The following AGBL1 variants were observed in gnomAD, a reference collection of about 807,000 sequenced individuals.
The protein encoded by AGBL1 is cytosolic carboxypeptidase 4.
A neutral mutation model predicts 118.9 loss-of-function variants in AGBL1; 130 were observed. The ratio of observed to expected loss-of-function variants is 1.09; its 90% confidence interval spans 0.95 to 1.26. The LOEUF is 1.26. AGBL1 is among the 50% of genes most tolerant of loss of function. The probability of loss-of-function intolerance (pLI) is 0.00; values close to 1 mark genes in which losing one functional copy is unlikely to be tolerated. For missense variants in AGBL1, 1,584 were observed against 1,298.1 expected (o/e 1.22, Z -3.38); for synonymous variants, 555 against 478.9 (o/e 1.16, Z -2.08).
intron 6 of AGBL1, among the ~76,000 whole-genome samples, chr15:86,245,970 C>T (rs532533884): frequency 1.3e-5 from 2 of 152,272 alleles, no homozygotes; most frequent in Middle Eastern, 3.4e-3. Flanking sequence ...ACTGCAGCCT[C>T]GAACTCCTGG....
intron 22 of AGBL1, among the ~76,000 whole-genome samples, chr15:86,826,787 C>A (rs1469903246): frequency 2.6e-5 from 4 of 151,966 alleles, no homozygotes; most frequent in African/African-American, 7.3e-5. Flanking sequence ...TAGATATGAC[C>A]ATTGGAATTC....
chr15:86,831,168 C>G (rs567016897), intron 22 of AGBL1, among the ~76,000 whole-genome samples: 11 of 152,126 alleles, frequency 7.2e-5, no homozygotes, highest in Non-Finnish European at 1.5e-4. Context: ...ATTACCTCCC[C>G]CTGGGTTCCT....
intron 17 of AGBL1, 121 bp from the exon 18 acceptor site, chr15:86,397,245 A>G: frequency 1.4e-6 from 1 of 722,842 alleles, no homozygotes; most frequent in African/African-American, 1.8e-5. Flanking sequence ...CAAAACCTAC[A>G]ATGGAAAATG....
chr15:86,701,914 C>A (rs937043194), intron 22 of AGBL1, among the ~76,000 whole-genome samples: 29 of 149,422 alleles, frequency 1.9e-4, no homozygotes, highest in Non-Finnish European at 3.4e-4. Flanking sequence ...TTCCTCCCAT[C>A]CACTACCCTT....
At chr15:86,273,716 TAG>T (rs1331153510) in intron 15 of AGBL1, among the ~76,000 whole-genome samples, 8 of 152,216 alleles carry the variant, frequency 5.3e-5, no homozygotes, top group Non-Finnish European at 8.8e-5. Context: ...AATATATCTT[TAG>T]ATACTCTGCT....
chr15:86,263,127 G>A (rs2079019273), intron 10 of AGBL1, among the ~76,000 whole-genome samples: 1 of 152,206 alleles, frequency 6.6e-6, no homozygotes, highest in South Asian at 2.1e-4. Flanking sequence ...CTTACACTTA[G>A]GATGGATACA....
At chr15:86,624,038 T>C (rs1027012266) in intron 21 of AGBL1, among the ~76,000 whole-genome samples, 4 of 151,884 alleles carry the variant, frequency 2.6e-5, no homozygotes, top group African/African-American at 9.7e-5. Flanking sequence ...AGAATAGAGA[T>C]TGAGAGGAAT....
chr15:86,466,230 T>G (rs575337000), intron 18 of AGBL1, among the ~76,000 whole-genome samples: 1 of 152,242 alleles, frequency 6.6e-6, no homozygotes, highest in African/African-American at 2.4e-5. Flanking sequence ...TCATGCTTTA[T>G]TTCATTAAGT....
At chr15:86,097,535 CTTTT>C (rs529913129) in intron 1 of AGBL1, among the ~76,000 whole-genome samples, 2 of 139,222 alleles carry the variant, frequency 1.4e-5, no homozygotes, top group Admixed American at 7.2e-5. Context: ...ATGAGATCCA[CTTTT>C]TTTTTTTTTT....
chr15:86,922,011 T>A (rs2080486194), intron 23 of AGBL1, among the ~76,000 whole-genome samples: 1 of 152,202 alleles, frequency 6.6e-6, no homozygotes, highest in Non-Finnish European at 1.5e-5. Flanking sequence ...AACCAATGGT[T>A]ACTCTGTATG....
intron 21 of AGBL1, among the ~76,000 whole-genome samples, chr15:86,602,720 C>T (rs542100372): frequency 4.6e-5 from 7 of 152,186 alleles, no homozygotes; most frequent in Non-Finnish European, 1.0e-4. Context: ...ATTTAAAGAT[C>T]AGGACTTAAC....
chr15:86,102,421 T>C (rs1485186947), intron 1 of AGBL1, among the ~76,000 whole-genome samples: 1 of 152,210 alleles, frequency 6.6e-6, no homozygotes, highest in African/African-American at 2.4e-5. Flanking sequence ...TAGATACTGT[T>C]CTTTCATTTC....
intron 22 of AGBL1, among the ~76,000 whole-genome samples, chr15:86,814,329 C>T (rs1386883758): frequency 6.6e-6 from 1 of 152,208 alleles, no homozygotes; most frequent in African/African-American, 2.4e-5. Context: ...ATTCCCTCCA[C>T]TCTACCATCT....
intron 22 of AGBL1, among the ~76,000 whole-genome samples, chr15:86,825,715 G>A (rs893338089): frequency 1.3e-5 from 2 of 148,616 alleles, no homozygotes; most frequent in Admixed American, 6.7e-5. Flanking sequence ...GAGAAAGCGA[G>A]AGAGGGAGGG....
At chr15:86,720,585 C>A (rs2086702968) in intron 22 of AGBL1, among the ~76,000 whole-genome samples, 1 of 152,102 alleles carries the variant, frequency 6.6e-6, no homozygotes, top group Non-Finnish European at 1.5e-5. Flanking sequence ...TTTCATTGCT[C>A]TGGTCAGGAC....
chr15:86,639,122 A>G (rs1172699390), intron 21 of AGBL1, among the ~76,000 whole-genome samples: 1 of 152,170 alleles, frequency 6.6e-6, no homozygotes, highest in Non-Finnish European at 1.5e-5. Flanking sequence ...CTACTTAACC[A>G]TAGAATTGAC....
At chr15:86,700,933 G>C (rs1361457163) in intron 22 of AGBL1, among the ~76,000 whole-genome samples, 1 of 152,066 alleles carries the variant, frequency 6.6e-6, no homozygotes, top group African/African-American at 2.4e-5. Context: ...GAGTCAGCCG[G>C]ATCAGGAACC....
intron 7 of AGBL1, among the ~76,000 whole-genome samples, chr15:86,253,889 C>A (rs562763417): frequency 6.6e-6 from 1 of 152,206 alleles, no homozygotes; most frequent in South Asian, 2.1e-4. Flanking sequence ...ACTCTATACC[C>A]ATTAAACTGA....
At chr15:86,968,274 A>C (rs550519263) in intron 23 of AGBL1, among the ~76,000 whole-genome samples, 1 of 151,762 alleles carries the variant, frequency 6.6e-6, no homozygotes, top group Non-Finnish European at 1.5e-5. Context: ...ATAGTCTCTG[A>C]GTTTCATATT....
Sources: gnomAD v4.1 joint callset for allele counts (sites outside exome capture counted in the v4.1 genomes callset) on GRCh38, gnomAD v4.1.1 for gene constraint, MANE v1.5 for transcripts, NCBI Gene and HGNC (gene_info 2026-07-23, HGNC 2026-07-21) for gene names.